The following DNAJC2 variants were observed in gnomAD, a reference collection of about 807,000 sequenced individuals.
The protein encoded by DNAJC2 is dnaJ homolog subfamily C member 2.
In DNAJC2, 32 loss-of-function variants were observed where a neutral mutation model predicts 94.0. The observed-to-expected ratio is 0.34, with a 90% confidence interval of 0.26 to 0.46. The LOEUF (loss-of-function observed/expected upper bound fraction) is 0.46, where lower values mean the gene tolerates loss of function less well. Ranked by LOEUF, DNAJC2 falls within the 20% of genes least tolerant of loss-of-function variation. The pLI is 1.00. For synonymous variants in DNAJC2, 210 were observed against 229.7 expected, an observed-to-expected ratio of 0.91 and a Z score of 0.77; for missense variants, 550 against 719.5, an observed-to-expected ratio of 0.76 and a Z score of 2.69.
At chr7:103,316,748 A>T in intron 13 of DNAJC2, 82 bp downstream of exon 13, 1 of 1,161,824 alleles carries the variant, frequency 8.6e-7, no homozygotes, top group South Asian at 1.5e-5. Flanking sequence ...TTCTGTGATA[A>T]CAAGTGCTGC....
intron 13 of DNAJC2, 144 bp downstream of exon 13, chr7:103,316,686 C>T (rs1156846971): frequency 6.0e-6 from 4 of 662,088 alleles, no homozygotes; most frequent in Admixed American, 2.9e-5. Context: ...CTTCAAAATG[C>T]ACCTCACTTT....
chr7:103,332,188 G>A (rs1397349513), intron 3 of DNAJC2, among the ~76,000 whole-genome samples: 1 of 152,008 alleles, frequency 6.6e-6, no homozygotes, highest in East Asian at 1.9e-4. Flanking sequence ...TGTATTTTTA[G>A]TAGAGACGGG....
Position 103,319,685 on chromosome 7 carries a change from A to C in DNAJC2, c.1173-7T>G. The C allele has an allele frequency of 6.2e-7, 1 of 1,610,776 alleles. No individual in the cohort carries two copies. The highest frequency in any genetic ancestry group is 8.5e-7 in the Non-Finnish European group (1 of 1,177,944). Reference sequence around the variant, plus strand: ...TTCATTCAAGCACTGTAAGCTAAAGAAAAAAAAAGAAGAAATGAAACTTTA... The same window carrying C: ...TTCATTCAAGCACTGTAAGCTAAAGCAAAAAAAAGAAGAAATGAAACTTTA... On this transcript the variant is annotated splice_region_variant and splice_polypyrimidine_tract_variant and intron_variant, in intron 11 of 16. Transcript: ENST00000379263.
At chr7:103,342,024 T>G in intron 1 of DNAJC2, 70 bp from the exon 2 acceptor site, 1 of 1,254,178 alleles carries the variant, frequency 8.0e-7, no homozygotes, top group East Asian at 2.6e-5. Flanking sequence ...GGCAATTAAT[T>G]TTTTCAGGAA....
At chr7:103,317,296 T>C (rs1385899369) in intron 12 of DNAJC2, 2 of 342,122 alleles carry the variant, frequency 5.8e-6, no homozygotes, top group African/African-American at 4.2e-5. Flanking sequence ...GACAAGTCTG[T>C]GGGTCACTGA....
At position 103,341,779 on chromosome 7, in the gene DNAJC2, A is replaced by T. The variant is rs1366653530; in HGVS notation, c.240T>A (p.Asp80Glu). 1 of 1,583,262 alleles carries T rather than the reference A, an allele frequency of 6.3e-7. No individual in the cohort carries two copies. The highest frequency in any genetic ancestry group is 1.4e-5 in the African/African-American group (1 of 73,702). ...LEEFPMLKTL[D>E]PKDWKNQDHY... Reference sequence around the variant, plus strand: ...TATTAAATACCTTCCAGTCTTTGGGATCAAGTGTTTTCAGCATGGGAAACT... The same window carrying T: ...TATTAAATACCTTCCAGTCTTTGGGTTCAAGTGTTTTCAGCATGGGAAACT... Residue 80 changes from aspartate (D) to glutamate (E), a missense_variant, in exon 2 of 17, where the codon GAT becomes GAA. By Grantham distance (45) the Asp-to-Glu change is conservative. This residue lies in a region of DNAJC2 where 279 missense variants were observed against 416.9 expected (regional missense o/e 0.67). Coordinates refer to ENST00000379263, the MANE Select transcript of DNAJC2 (RefSeq NM_014377.3).
chr7:103,316,254 C>T (rs1372750304), intron 13 of DNAJC2, 166 bp from the exon 14 acceptor site: 1 of 436,662 alleles, frequency 2.3e-6, no homozygotes, highest in Admixed American at 3.9e-5. Flanking sequence ...GCCTGGACTA[C>T]GGTTTTTGCT....
chr7:103,343,234 C>A (rs991292002), intron 1 of DNAJC2, among the ~76,000 whole-genome samples: 3 of 151,994 alleles, frequency 2.0e-5, no homozygotes, highest in African/African-American at 7.2e-5. Flanking sequence ...CTGCTGACCT[C>A]AGGTGATCCA....
chr7:103,335,518 TTTC>T (rs1273205798), intron 3 of DNAJC2: 2 of 151,830 alleles, frequency 1.3e-5, no homozygotes, highest in East Asian at 3.9e-4. Flanking sequence ...AAAAGCTGAA[TTTC>T]TTTTCTTTCT....
intron 3 of DNAJC2, among the ~76,000 whole-genome samples, chr7:103,330,820 G>A (rs113226678): frequency 2.0e-5 from 3 of 151,144 alleles, no homozygotes; most frequent in African/African-American, 7.3e-5. Context: ...GGGCTCAAGC[G>A]ATCCTCCCAC....
intron 15 of DNAJC2, chr7:103,314,039 C>G (rs924712269): frequency 4.1e-6 from 4 of 985,170 alleles, no homozygotes; most frequent in Non-Finnish European, 4.8e-6. Flanking sequence ...CAAAACAAAA[C>G]AAAACAAAAC....
chr7:103,315,714 A>G, intron 15 of DNAJC2, 50 bp downstream of exon 15: 1 of 1,251,694 alleles, frequency 8.0e-7, no homozygotes, highest in Non-Finnish European at 1.2e-6. Context: ...ACGTCCAAGC[A>G]GCACAGATAC....
In DNAJC2 at chr7:103,312,624, T is replaced by A; in HGVS notation, c.1811A>T (p.Lys604Ile). The change falls in exon 17 of 17, where the codon AAA becomes ATA. Residue 604 changes from lysine to isoleucine, a missense_variant. Around this residue, in one of 2 missense-constraint regions of DNAJC2, gnomAD observed 271 missense variants for 302.6 expected, o/e 0.90. Coordinates refer to ENST00000379263, the MANE Select transcript of DNAJC2 (RefSeq NM_014377.3). ...KRYKELVEMV[K>I]AKKAAQEQVL... is the part of the protein sequence containing the mutation. ...TTGTTCTTGAGCAGCTTTCTTTGCTTTTACCATCTCGACAAGTTCCTAGGA... is the reference window on the plus strand; with the variant it reads ...TTGTTCTTGAGCAGCTTTCTTTGCTATTACCATCTCGACAAGTTCCTAGGA... 1 of 1,613,526 alleles carries A rather than the reference T, an allele frequency of 6.2e-7. No individual in the cohort carries two copies. Among genetic ancestry groups the A allele is most frequent in the Non-Finnish European group, 8.5e-7 (1 of 1,179,802 alleles).
chr7:103,312,877 T>C, intron 16 of DNAJC2, 70 bp downstream of exon 16: 2 of 1,555,946 alleles, frequency 1.3e-6, no homozygotes, highest in Non-Finnish European at 1.7e-6. Context: ...TTAATAGACA[T>C]AAAATATGAG....
At chr7:103,329,112 ACTGG>A in intron 3 of DNAJC2, 1 of 526,028 alleles carries the variant, frequency 1.9e-6, no homozygotes, top group South Asian at 2.0e-5. Flanking sequence ...TCATCCTTTA[ACTGG>A]AAAAAGGAGG....
intron 5 of DNAJC2, among the ~76,000 whole-genome samples, chr7:103,325,194 A>G (rs1818636545): frequency 6.6e-6 from 1 of 152,248 alleles, no homozygotes; most frequent in African/African-American, 2.4e-5. Context: ...CTGTAATCCC[A>G]GCACTTTGGG....
In DNAJC2 at chr7:103,344,612, A is replaced by C. The variant is rs1429421555; in HGVS notation, c.11T>G (p.Leu4Arg). The part of the protein sequence containing the change: MLL[L>R]PSAADGRGTA... ...GCCCCGGCCGTCCGCGGCGCTTGGC[A>C]GAAGCAGCATGATGGCGCCGGGTCT... The change falls in exon 1 of 17, where the codon CTG (leucine) becomes CGG (arginine). Residue 4 changes from leucine to arginine, a missense_variant. This residue lies in a region of DNAJC2 where 279 missense variants were observed against 416.9 expected (regional missense o/e 0.67). Transcript: ENST00000379263. The C allele has an allele frequency of 6.2e-7, 1 of 1,611,840 alleles. No homozygotes were observed. Among genetic ancestry groups the C allele is most frequent in the East Asian group, 2.2e-5 (1 of 44,852 alleles).
chr7:103,313,896 AT>A (rs1404202202), intron 15 of DNAJC2: 3 of 985,320 alleles, frequency 3.0e-6, no homozygotes, highest in Non-Finnish European at 3.6e-6. Context: ...CAATTTAGTT[AT>A]TTCAGACTAT....
At chr7:103,330,819 C>T (rs1330605987) in intron 3 of DNAJC2, among the ~76,000 whole-genome samples, 7 of 150,358 alleles carry the variant, frequency 4.7e-5, no homozygotes, top group Admixed American at 4.6e-4. Context: ...TGGGCTCAAG[C>T]GATCCTCCCA....
Sources: gnomAD v4.1 joint callset for allele counts (sites outside exome capture counted in the v4.1 genomes callset) on GRCh38, gnomAD v4.1.1 for gene constraint, gnomAD v4.1.1 regional missense constraint, MANE v1.5 for transcripts, NCBI Gene and HGNC (gene_info 2026-07-23, HGNC 2026-07-21) for gene names.